KIF25: variants seen among roughly 807,000 people sequenced by gnomAD.
KIF25 encodes kinesin-like protein KIF25.
In KIF25, 19 loss-of-function variants were observed where a neutral mutation model predicts 32.9. That is an observed-to-expected ratio of 0.58 (90% CI 0.40 to 0.85). The LOEUF (loss-of-function observed/expected upper bound fraction) is 0.85, where lower values mean the gene tolerates loss of function less well. Ranked by LOEUF, KIF25 falls within the 40% of genes least tolerant of loss-of-function variation. The pLI is 0.00. For missense variants in KIF25, 485 were observed against 507.0 expected, an observed-to-expected ratio of 0.96 and a Z score of 0.42; for synonymous variants, 225 against 213.7, an observed-to-expected ratio of 1.05 and a Z score of -0.46.
intron 4 of KIF25, among the ~76,000 whole-genome samples, chr6:168,013,152 CA>C (rs917119307): frequency 4.0e-5 from 6 of 151,872 alleles, no homozygotes; most frequent in African/African-American, 1.5e-4. Flanking sequence ...GTCCTGAGCA[CA>C]GGTGCCCAGC....
At position 168,001,656 on chromosome 6, in the gene KIF25, C is replaced by T. The variant is rs562749678; in HGVS notation, c.-369-887C>T. ...GAGAAGACACCTTCAGGCGTGGCCT[C>T]GGGCAGGTGAGAAGACACCTGAGGC... On this transcript the variant is annotated intron_variant, in intron 2 of 12. Coordinates refer to ENST00000643607, the MANE Select transcript of KIF25 (RefSeq NM_030615.4). 1.6e-4 allele frequency among the ~76,000 whole-genome samples: 17 copies of T among 105,522 alleles called. 1 individual carries two copies. The highest frequency in any genetic ancestry group is 0.014 in the Middle Eastern group (2 of 138). The allele number at this position is 105,522 out of a possible 152,430, so 69.2% of individuals were successfully genotyped here.
At position 168,039,953 on chromosome 6, in the gene KIF25, C is replaced by T. The variant is rs767395560; in HGVS notation, c.495-112C>T. The stretch of plus-strand genomic sequence containing the variant: ...GCCTGAGACTGGCTTCAGTACCCCA[C>T]TGGCACGCGTGGCTCATGTGAGAGG... On this transcript the variant is annotated intron_variant, in intron 9 of 12. Coordinates refer to ENST00000643607, the MANE Select transcript of KIF25 (RefSeq NM_030615.4). 4.6e-6 allele frequency: 6 copies of T among 1,317,486 alleles called. No individual in the cohort carries two copies. In the South Asian group the frequency reaches 9.5e-5, roughly 21 times the overall value. The allele number at this position is 1,317,486 out of a possible 1,614,324, so 81.6% of individuals were successfully genotyped here.
In KIF25 at chr6:168,001,857, C is replaced by T. The variant is rs1299723369; in HGVS notation, c.-369-686C>T. ...GAGAAGACACCTTCAGGCGTAGCCTCGGGCAGGTGAGAAAGACACCTGAGG... is the reference window on the plus strand; with the variant it reads ...GAGAAGACACCTTCAGGCGTAGCCTTGGGCAGGTGAGAAAGACACCTGAGG... On this transcript the variant is annotated intron_variant, in intron 2 of 12. Transcript: ENST00000643607. Among the ~76,000 whole-genome samples, 5 of 70,080 alleles carry T rather than the reference C, an allele frequency of 7.1e-5. 1 individual carries two copies. Among genetic ancestry groups the T allele is most frequent in the South Asian group, 1.3e-3 (2 of 1,546 alleles). 46.0% of individuals were successfully genotyped at this position (70,080 alleles called of 152,430 possible).
intron 4 of KIF25, among the ~76,000 whole-genome samples, chr6:168,013,545 G>C (rs185737507): frequency 6.6e-6 from 1 of 152,098 alleles, no homozygotes; most frequent in Non-Finnish European, 1.5e-5. Flanking sequence ...AGGGATGGCT[G>C]GGGGGTGAGC....
At position 168,042,596 on chromosome 6, in the gene KIF25, A is replaced by ATGGCG; in HGVS notation, c.868_872dup (p.Cys291TrpfsTer48). 1 of 1,613,804 alleles carries ATGGCG rather than the reference A, an allele frequency of 6.2e-7. No individual in the cohort carries two copies. The highest frequency in any genetic ancestry group is 1.1e-5 in the South Asian group (1 of 91,040). ...AGTGACCGGGTTGGCCCTGAGGGAG[A>ATGGCG]TGGCGTGCATCAGCCGCAGCCTTGC... On this transcript the variant is annotated frameshift_variant, in exon 12 of 13. Coordinates refer to ENST00000643607, the MANE Select transcript of KIF25 (RefSeq NM_030615.4). LOFTEE classifies it high-confidence loss of function.
rs539615180 is a variant in KIF25 at position 168,016,604 on chromosome 6, G to A, written c.-162-1369G>A. Among the ~76,000 whole-genome samples, 39 of 152,308 alleles carry A rather than the reference G, an allele frequency of 2.6e-4. No individual in the cohort carries two copies. In the East Asian group the frequency reaches 4.4e-3, roughly 17 times the overall value. On this transcript the variant is annotated intron_variant, in intron 4 of 12. Transcript: ENST00000643607. ...AAGAGTTTTAAACAAGGACCCAAGC[G>A]ACCTCTCCCCAACAGGTGGCATTCT...
At chr6:168,031,604 T>C (rs942479672) in intron 7 of KIF25, among the ~76,000 whole-genome samples, 1 of 152,234 alleles carries the variant, frequency 6.6e-6, no homozygotes, top group South Asian at 2.1e-4. Flanking sequence ...ATGCAGTTGC[T>C]GCTTCAACTC....
At chr6:168,044,748 G>A (rs1320430881) in intron 12 of KIF25, 79 bp from the exon 13 acceptor site, 26 of 1,418,568 alleles carry the variant, frequency 1.8e-5, no homozygotes, top group East Asian at 2.4e-5. Context: ...CGCCCATCTC[G>A]GGCCCTGGTT....
At chr6:168,036,475 G>A (rs1329435527) in intron 8 of KIF25, among the ~76,000 whole-genome samples, 1 of 152,230 alleles carries the variant, frequency 6.6e-6, no homozygotes, top group Non-Finnish European at 1.5e-5. Flanking sequence ...TGCAGGACCT[G>A]GAGTCCTTTG....
intron 5 of KIF25, among the ~76,000 whole-genome samples, chr6:168,028,048 G>A (rs1437791080): frequency 6.6e-6 from 1 of 152,114 alleles, no homozygotes; most frequent in African/African-American, 2.4e-5. Context: ...GACTCTGCTG[G>A]GACACGCATG....
At chr6:168,044,705 C>A in intron 12 of KIF25, 122 bp from the exon 13 acceptor site, 1 of 1,030,912 alleles carries the variant, frequency 9.7e-7, no homozygotes, top group African/African-American at 1.6e-5. Flanking sequence ...TGGCCACTTT[C>A]CCGCTGGGGC....
intron 6 of KIF25, among the ~76,000 whole-genome samples, chr6:168,030,239 TC>T (rs1444648308): frequency 6.6e-6 from 1 of 152,306 alleles, no homozygotes; most frequent in Non-Finnish European, 1.5e-5. Context: ...CAATTCAAGT[TC>T]TGCTGAACTG....
intron 4 of KIF25, among the ~76,000 whole-genome samples, chr6:168,012,387 T>G (rs1383837724): frequency 2.0e-5 from 3 of 152,238 alleles, no homozygotes; most frequent in African/African-American, 7.2e-5. Flanking sequence ...AGCAATGTAG[T>G]CTCCATATTG....
intron 8 of KIF25, chr6:168,036,038 G>A (rs2114907333): frequency 3.9e-6 from 1 of 259,344 alleles, no homozygotes; most frequent in East Asian, 9.0e-5. Flanking sequence ...TGATATCAGA[G>A]ATAGTTTACA....
At chr6:168,014,021 A>G (rs1798683200) in intron 4 of KIF25, among the ~76,000 whole-genome samples, 2 of 150,372 alleles carry the variant, frequency 1.3e-5, no homozygotes, top group South Asian at 4.2e-4. Flanking sequence ...ATATATATTT[A>G]TCTCACTTGA....
chr6:168,039,917 T>G, intron 9 of KIF25, 148 bp from the exon 10 acceptor site: 1 of 989,776 alleles, frequency 1.0e-6, no homozygotes, highest in South Asian at 2.1e-5. Flanking sequence ...TGCTTTACCA[T>G]GATTTATTGT....
chr6:168,014,360 G>A (rs1490396), intron 4 of KIF25, among the ~76,000 whole-genome samples: 30,600 of 152,062 alleles, frequency 0.2, 3,491 homozygotes, highest in East Asian at 0.27. Context: ...GTCCTCTCCC[G>A]TTCCTGCCAA....
intron 10 of KIF25, among the ~76,000 whole-genome samples, chr6:168,040,710 G>A (rs560301566): frequency 6.6e-6 from 1 of 152,248 alleles, no homozygotes; most frequent in South Asian, 2.1e-4. Flanking sequence ...CCCAGGCTGA[G>A]AAGAAAAAGT....
chr6:168,016,990 G>A (rs1798723849), intron 4 of KIF25, among the ~76,000 whole-genome samples: 1 of 152,238 alleles, frequency 6.6e-6, no homozygotes, highest in African/African-American at 2.4e-5. Flanking sequence ...TGGCAAGACA[G>A]GACAGGTTCA....
Sources: gnomAD v4.1 joint callset for allele counts (sites outside exome capture counted in the v4.1 genomes callset) on GRCh38, gnomAD v4.1.1 for gene constraint, MANE v1.5 for transcripts, NCBI Gene and HGNC (gene_info 2026-07-23, HGNC 2026-07-21) for gene names.